SGCD: variants seen among roughly 807,000 people sequenced by gnomAD.
SGCD encodes the protein sarcoglycan delta, also known as delta-sarcoglycan.
A neutral mutation model predicts 36.6 loss-of-function variants in SGCD; 18 were observed. The ratio of observed to expected loss-of-function variants is 0.49; its 90% CI spans 0.34 to 0.73. The LOEUF (loss-of-function observed/expected upper bound fraction) is 0.73. Among genes scored for constraint, SGCD ranks in the 30% least tolerant of loss-of-function variants. The pLI is 0.01. For synonymous variants in SGCD, 133 were observed against 130.6 expected (o/e 1.02, Z -0.12); for missense variants, 387 against 346.7 (o/e 1.12, Z -0.92).
intron 3 of SGCD, among the ~76,000 whole-genome samples, chr5:156,137,577 G>A (rs1293538340): frequency 6.6e-6 from 1 of 151,956 alleles, no homozygotes; most frequent in African/African-American, 2.4e-5. Flanking sequence ...TTTAAAATGT[G>A]TTTAGCATTA....
chr5:156,479,994 G>C (rs1360329493), intron 3 of SGCD, among the ~76,000 whole-genome samples: 1 of 152,216 alleles, frequency 6.6e-6, no homozygotes, highest in Non-Finnish European at 1.5e-5. Flanking sequence ...GTGGGTGGAA[G>C]ATCAGCCCTC....
intron 7 of SGCD, among the ~76,000 whole-genome samples, chr5:156,688,722 C>A (rs1450643827): frequency 6.6e-6 from 1 of 152,124 alleles, no homozygotes; most frequent in Non-Finnish European, 1.5e-5. Flanking sequence ...GGGTTCCTTC[C>A]CCACCCCTTG....
intron 3 of SGCD, among the ~76,000 whole-genome samples, chr5:156,195,195 G>A (rs1763992576): frequency 6.6e-6 from 1 of 152,114 alleles, no homozygotes; most frequent in Non-Finnish European, 1.5e-5. Flanking sequence ...TTTAAACCCT[G>A]TGCTAGCCTA....
At chr5:156,090,049 A>G (rs1278229647) in intron 1 of SGCD, among the ~76,000 whole-genome samples, 1 of 152,166 alleles carries the variant, frequency 6.6e-6, no homozygotes, top group Non-Finnish European at 1.5e-5. Context: ...TCTGCTTCCC[A>G]AGTGGACCAC....
At chr5:156,221,933 A>AT (rs1364636361) in intron 3 of SGCD, among the ~76,000 whole-genome samples, 1 of 152,014 alleles carries the variant, frequency 6.6e-6, no homozygotes, top group Non-Finnish European at 1.5e-5. Context: ...TTGACTTTTC[A>AT]TTTTCTAAAA....
At chr5:155,823,062 ATATCTATCTATCTATC>A in the SGCD span, among the ~76,000 whole-genome samples, 2,255 of 145,268 alleles carry the variant, frequency 0.016, 23 homozygotes, top group Non-Finnish European at 0.019. Flanking sequence ...CTATATCTCT[ATATCTATCTATCTATC>A]TATCTATCTA....
chr5:156,665,699 CT>C (rs1764132535), intron 7 of SGCD, among the ~76,000 whole-genome samples: 1 of 147,138 alleles, frequency 6.8e-6, no homozygotes, highest in South Asian at 2.2e-4. Context: ...TTAACTCCCC[CT>C]CTTTTTAAAA....
intron 4 of SGCD, among the ~76,000 whole-genome samples, chr5:156,519,413 A>G (rs1191336868): frequency 6.6e-6 from 1 of 152,104 alleles, no homozygotes; most frequent in African/African-American, 2.4e-5. Context: ...CCAGGACTAG[A>G]TTTACAGCAG....
intron 3 of SGCD, among the ~76,000 whole-genome samples, chr5:156,399,548 C>T (rs1283118754): frequency 6.6e-6 from 1 of 152,156 alleles, no homozygotes; most frequent in Admixed American, 6.5e-5. Context: ...CTTGGGGCTT[C>T]CCGAAAGTGT....
At position 156,061,918 on chromosome 5, in the gene SGCD, AC is replaced by A. The variant is rs1429994460; in HGVS notation, c.-281-55959del. Among the ~76,000 whole-genome samples the A allele has an allele frequency of 3.2e-4, 29 of 91,160 alleles. 4 individuals are homozygous for A. The highest frequency in any genetic ancestry group is 1.2e-3 in the African/African-American group (28 of 23,498). The allele number at this position is 91,160 out of a possible 152,430, so 59.8% of individuals were successfully genotyped here. A position where few individuals can be genotyped will look rare whatever the true frequency, so the allele number is the denominator to read the frequency against. On this transcript the variant is annotated intron_variant, in intron 1 of 9. Coordinates refer to the SGCD transcript ENST00000517913. ...TTTGGTGATAATTCCAGGAGTTTTC[AC>A]TTTTTTTTTTTTTTTTTTTTTTTTT...
chr5:156,264,162 C>T (rs950671732), intron 3 of SGCD, among the ~76,000 whole-genome samples: 36 of 151,960 alleles, frequency 2.4e-4, no homozygotes, highest in African/African-American at 7.7e-4. Flanking sequence ...AGAAAGTGAA[C>T]GTAACATTTG....
intron 6 of SGCD, among the ~76,000 whole-genome samples, chr5:156,624,681 G>C (rs948653938): frequency 1.3e-5 from 2 of 152,144 alleles, no homozygotes; most frequent in African/African-American, 2.4e-5. Context: ...CTGAATGAGG[G>C]ATAAAAAATG....
intron 3 of SGCD, among the ~76,000 whole-genome samples, chr5:156,474,936 G>A (rs558850056): frequency 6.6e-6 from 1 of 152,276 alleles, no homozygotes; most frequent in African/African-American, 2.4e-5. Flanking sequence ...CAATAATAAT[G>A]ATGCTAATTC....
intron 7 of SGCD, among the ~76,000 whole-genome samples, chr5:156,733,995 G>A (rs1199608805): frequency 2.6e-5 from 4 of 152,102 alleles, no homozygotes; most frequent in Non-Finnish European, 5.9e-5. Flanking sequence ...GAGACTTTAT[G>A]TGGTTGCTTT....
chr5:156,506,422 C>T (rs1190086868), intron 3 of SGCD, among the ~76,000 whole-genome samples: 1 of 152,144 alleles, frequency 6.6e-6, no homozygotes, highest in Non-Finnish European at 1.5e-5. Context: ...AACAAAGGCT[C>T]ATCCAGTAAC....
chr5:156,019,613 A>G (rs1453281406), intron 1 of SGCD, among the ~76,000 whole-genome samples: 2 of 152,248 alleles, frequency 1.3e-5, no homozygotes, highest in Non-Finnish European at 2.9e-5. Flanking sequence ...GACTTATTTC[A>G]TATGAAAGCA....
intron 3 of SGCD, among the ~76,000 whole-genome samples, chr5:156,130,464 T>C (rs1296800974): frequency 6.6e-6 from 1 of 152,174 alleles, no homozygotes; most frequent in Non-Finnish European, 1.5e-5. Context: ...CTTTTTATTT[T>C]TTTGCAGTAT....
chr5:155,749,712 C>G, the SGCD span, among the ~76,000 whole-genome samples: 2 of 152,202 alleles, frequency 1.3e-5, no homozygotes, highest in Non-Finnish European at 2.9e-5. Flanking sequence ...AATTTTATAT[C>G]ATTCATGAAT....
intron 3 of SGCD, among the ~76,000 whole-genome samples, chr5:156,398,615 C>A (rs1364715250): frequency 6.6e-6 from 1 of 152,172 alleles, no homozygotes; most frequent in Non-Finnish European, 1.5e-5. Flanking sequence ...ACTACATTTC[C>A]CAGCCTCTCT....
Sources: gnomAD v4.1 joint callset for allele counts (sites outside exome capture counted in the v4.1 genomes callset) on GRCh38, gnomAD v4.1.1 for gene constraint, MANE v1.5 for transcripts, NCBI Gene and HGNC (gene_info 2026-07-23, HGNC 2026-07-21) for gene names.